Variants in NRXN3 observed in about 807,000 individuals in gnomAD.
NRXN3 encodes the protein neurexin 3, also known as neurexin III.
In NRXN3, 32 loss-of-function variants were observed where a neutral mutation model predicts 137.6. The ratio of observed to expected loss-of-function variants is 0.23; its 90% CI spans 0.18 to 0.31. The LOEUF (loss-of-function observed/expected upper bound fraction) is 0.31, where lower values mean the gene tolerates loss of function less well. NRXN3 is among the 10% of genes least tolerant of loss of function. NRXN3 has a pLI of 1.00. For missense variants in NRXN3, 1,574 were observed against 2,062.5 expected (o/e 0.76, Z 4.59); for synonymous variants, 798 against 784.5 (o/e 1.02, Z -0.29).
intron 4 of NRXN3, among the ~76,000 whole-genome samples, chr14:78,304,538 G>T (rs2077177904): frequency 6.6e-6 from 1 of 152,188 alleles, no homozygotes; most frequent in Non-Finnish European, 1.5e-5. Context: ...ACCAGCCTTG[G>T]TCAGGTATTT....
chr14:79,016,185 A>G (rs2099578926), intron 15 of NRXN3, among the ~76,000 whole-genome samples: 1 of 152,084 alleles, frequency 6.6e-6, no homozygotes, highest in African/African-American at 2.4e-5. Context: ...GGAAATGTTT[A>G]TGTTATTATA....
chr14:78,595,570 A>G (rs1434287932), intron 4 of NRXN3, among the ~76,000 whole-genome samples: 1 of 152,066 alleles, frequency 6.6e-6, no homozygotes, highest in Non-Finnish European at 1.5e-5. Context: ...TTTCCTCCAA[A>G]TCACACTGGC....
chr14:79,340,636 T>G (rs2092559351), intron 15 of NRXN3, among the ~76,000 whole-genome samples: 1 of 152,182 alleles, frequency 6.6e-6, no homozygotes, highest in South Asian at 2.1e-4. Context: ...CGGCTAATTT[T>G]GTATTTTTAG....
intron 16 of NRXN3, among the ~76,000 whole-genome samples, chr14:79,527,293 CAAAAAAAAAAAAA>C (rs397954192): frequency 1.7e-5 from 1 of 58,674 alleles, no homozygotes; most frequent in South Asian, 9.3e-4. Flanking sequence ...GACTCTGTCT[CAAAAAAAAAAAAA>C]AAAAAAAAAA....
At chr14:78,617,609 G>A (rs2097359165) in intron 4 of NRXN3, among the ~76,000 whole-genome samples, 2 of 151,962 alleles carry the variant, frequency 1.3e-5, no homozygotes, top group Non-Finnish European at 1.5e-5. Context: ...TATTCTAATG[G>A]GATGGGGAAT....
At chr14:78,781,047 T>C (rs1406970759) in intron 8 of NRXN3, among the ~76,000 whole-genome samples, 1 of 152,182 alleles carries the variant, frequency 6.6e-6, no homozygotes, top group Admixed American at 6.5e-5. Flanking sequence ...CATCAATAAA[T>C]TGTGGTATCT....
At chr14:79,016,993 C>T (rs2099580381) in intron 15 of NRXN3, among the ~76,000 whole-genome samples, 1 of 152,146 alleles carries the variant, frequency 6.6e-6, no homozygotes, top group Admixed American at 6.5e-5. Flanking sequence ...CTGTGATAGA[C>T]ATTCCATCTG....
At chr14:79,017,570 A>C (rs918745281) in intron 15 of NRXN3, among the ~76,000 whole-genome samples, 5 of 152,028 alleles carry the variant, frequency 3.3e-5, no homozygotes, top group Non-Finnish European at 7.4e-5. Context: ...AAACATTCAG[A>C]CTCTACCTAG....
intron 19 of NRXN3, among the ~76,000 whole-genome samples, chr14:79,766,597 G>A (rs1429317865): frequency 6.6e-6 from 1 of 152,188 alleles, no homozygotes; most frequent in East Asian, 1.9e-4. Context: ...GAAGCTGCTT[G>A]CTGGCTTCCT....
At chr14:79,681,271 GGA>G (rs1469242944) in intron 17 of NRXN3, among the ~76,000 whole-genome samples, 1 of 152,082 alleles carries the variant, frequency 6.6e-6, no homozygotes, top group African/African-American at 2.4e-5. Flanking sequence ...AATCCTCATA[GGA>G]GATAGTGTTT....
intron 16 of NRXN3, among the ~76,000 whole-genome samples, chr14:79,513,607 C>CT (rs1292650198): frequency 6.6e-6 from 1 of 152,176 alleles, no homozygotes; most frequent in Non-Finnish European, 1.5e-5. Context: ...CATTCTGTAG[C>CT]TATATGGGCT....
intron 4 of NRXN3, among the ~76,000 whole-genome samples, chr14:78,561,356 T>C (rs1045644986): frequency 2.0e-5 from 3 of 152,194 alleles, no homozygotes; most frequent in African/African-American, 7.2e-5. Context: ...GAATAACATA[T>C]ACCACAGTTT....
At chr14:79,518,480 G>T (rs1425972853) in intron 16 of NRXN3, among the ~76,000 whole-genome samples, 1 of 151,858 alleles carries the variant, frequency 6.6e-6, no homozygotes, top group African/African-American at 2.4e-5. Context: ...AATTATGAAT[G>T]GTTCTTTTCT....
chr14:79,097,007 A>C (rs2050467946), intron 15 of NRXN3, among the ~76,000 whole-genome samples: 1 of 143,056 alleles, frequency 7.0e-6, no homozygotes, highest in South Asian at 2.2e-4. Flanking sequence ...AATCCTGGCC[A>C]AAATGATTTT....
intron 16 of NRXN3, among the ~76,000 whole-genome samples, chr14:79,495,187 G>A (rs1171819938): frequency 2.0e-5 from 3 of 152,192 alleles, no homozygotes; most frequent in Admixed American, 2.0e-4. Flanking sequence ...GGCCACCAAG[G>A]CCAGCCTTGT....
At chr14:79,680,385 C>T (rs371050251) in intron 17 of NRXN3, among the ~76,000 whole-genome samples, 1 of 151,720 alleles carries the variant, frequency 6.6e-6, no homozygotes, top group African/African-American at 2.4e-5. Flanking sequence ...AACCCTGTCT[C>T]AAAACAAAAC....
chr14:78,306,361 T>G (rs1253148198), intron 4 of NRXN3, among the ~76,000 whole-genome samples: 1 of 152,200 alleles, frequency 6.6e-6, no homozygotes, highest in Non-Finnish European at 1.5e-5. Context: ...TTGAGTTAGT[T>G]AATCTTAGAA....
At chr14:79,209,688 G>T (rs1025201839) in intron 15 of NRXN3, among the ~76,000 whole-genome samples, 1 of 152,082 alleles carries the variant, frequency 6.6e-6, no homozygotes, top group Non-Finnish European at 1.5e-5. Context: ...ATGCTTCTGG[G>T]AGTCAGGAGC....
intron 4 of NRXN3, among the ~76,000 whole-genome samples, chr14:78,544,858 C>T (rs2096623390): frequency 1.3e-5 from 2 of 152,128 alleles, no homozygotes; most frequent in African/African-American, 4.8e-5. Context: ...CCATCTACAG[C>T]ATGGGTAGAG....
Sources: allele counts gnomAD v4.1 joint callset (sites outside exome capture counted in the v4.1 genomes callset), GRCh38; gene constraint gnomAD v4.1.1; transcripts MANE v1.5; gene names NCBI Gene and HGNC (gene_info 2026-07-23, HGNC 2026-07-21).